Variants in ZC3HAV1L observed in about 807,000 individuals in gnomAD.
ZC3HAV1L encodes ZC3HAV1 like, also known as zinc finger CCCH-type antiviral protein 1-like.
A neutral mutation model predicts 28.2 loss-of-function variants in ZC3HAV1L; 23 were observed. The observed-to-expected ratio is 0.82, with a 90% CI of 0.59 to 1.16. The LOEUF (loss-of-function observed/expected upper bound fraction) is 1.16. Ranked by LOEUF, ZC3HAV1L falls within the 50% of genes most tolerant of loss-of-function variation. The probability of loss-of-function intolerance (pLI) is 0.00; values close to 1 mark genes in which losing one functional copy is unlikely to be tolerated. For synonymous variants in ZC3HAV1L, 180 were observed against 163.4 expected (o/e 1.10, Z -0.78); for missense variants, 376 against 387.7 (o/e 0.97, Z 0.25).
At chr7:139,023,123 T>C (rs1045538556), downstream of ZC3HAV1L, among the ~76,000 whole-genome samples, 4 of 138,004 alleles carry the variant, frequency 2.9e-5, no homozygotes, top group African/African-American at 1.1e-4. Flanking sequence ...TGCAGTGAGC[T>C]GAGATCATGC....
intron 2 of ZC3HAV1L, among the ~76,000 whole-genome samples, chr7:139,031,576 A>G (rs1234818105): frequency 1.3e-5 from 2 of 151,212 alleles, no homozygotes; most frequent in Non-Finnish European, 2.9e-5. Flanking sequence ...ACAGAGCAAG[A>G]CTCTGTCTAC....
intron 2 of ZC3HAV1L, among the ~76,000 whole-genome samples, chr7:139,030,140 A>T (rs1225576035): frequency 6.6e-6 from 1 of 152,180 alleles, no homozygotes; most frequent in African/African-American, 2.4e-5. Context: ...CACGTAAAAA[A>T]ACTCTTGCTA....
chr7:139,022,144 G>A (rs1172331032), downstream of ZC3HAV1L, among the ~76,000 whole-genome samples: 1 of 152,132 alleles, frequency 6.6e-6, no homozygotes, highest in Admixed American at 6.6e-5. Flanking sequence ...ATAAATGTAA[G>A]CCTTAAAGAG....
chr7:139,024,274 C>T (rs1337936910), downstream of ZC3HAV1L, among the ~76,000 whole-genome samples: 6 of 151,972 alleles, frequency 3.9e-5, no homozygotes. Flanking sequence ...TTAAAGTAGA[C>T]TATTATAGAA....
chr7:139,025,403 G>A (rs989756796), downstream of ZC3HAV1L, among the ~76,000 whole-genome samples: 12 of 150,826 alleles, frequency 8.0e-5, no homozygotes, highest in Admixed American at 2.0e-4. Flanking sequence ...AGATGAGATC[G>A]CGCCATTGCA....
Position 139,026,246 on chromosome 7 carries a change from T to G in ZC3HAV1L, c.*298A>C. Reference sequence around the variant, plus strand: ...GTGAACAAATATAGAAAGATGCTTATGAGACAATATTAAGTGAAAAAAAAA... The same window carrying G: ...GTGAACAAATATAGAAAGATGCTTAGGAGACAATATTAAGTGAAAAAAAAA... On this transcript the variant is annotated 3_prime_UTR_variant, in exon 5 of 5. Transcript: ENST00000275766. 4.9e-6 allele frequency: 2 copies of G among 406,106 alleles called. No individual in the cohort carries two copies. Among genetic ancestry groups the G allele is most frequent in the Admixed American group, 4.3e-5 (1 of 23,522 alleles). The allele number at this position is 406,106 out of a possible 1,614,324, so 25.2% of individuals were successfully genotyped here.
At position 139,026,349 on chromosome 7, in the gene ZC3HAV1L, G is replaced by A. The variant is rs1815352006; in HGVS notation, c.*195C>T. The A allele has an allele frequency of 2.8e-6, 2 of 708,636 alleles. No homozygotes were observed. Among genetic ancestry groups the A allele is most frequent in the South Asian group, 2.3e-5 (1 of 43,840 alleles). The allele number at this position is 708,636 out of a possible 1,614,324, so 43.9% of individuals were successfully genotyped here. A position where few individuals can be genotyped will look rare whatever the true frequency, so the allele number is the denominator to read the frequency against. Reference sequence around the variant, plus strand: ...ATGGTGGACCACAGAAGTCAGCAGAGCTCCATCTACCCAGCCTGAGGAAAG... The same window carrying A: ...ATGGTGGACCACAGAAGTCAGCAGAACTCCATCTACCCAGCCTGAGGAAAG... On this transcript the variant is annotated 3_prime_UTR_variant, in exon 5 of 5. Coordinates refer to ENST00000275766, the MANE Select transcript of ZC3HAV1L (RefSeq NM_080660.4).
At position 139,026,845 on chromosome 7, in the gene ZC3HAV1L, A is replaced by G. The variant is rs1815367865; in HGVS notation, c.761-12T>C. The G allele has an allele frequency of 6.2e-7, 1 of 1,602,812 alleles. No homozygotes were observed. Among genetic ancestry groups the G allele is most frequent in the Non-Finnish European group, 8.5e-7 (1 of 1,172,958 alleles). On this transcript the variant is annotated splice_polypyrimidine_tract_variant and intron_variant, in intron 3 of 4. Coordinates refer to ENST00000275766, the MANE Select transcript of ZC3HAV1L (RefSeq NM_080660.4). The stretch of plus-strand genomic sequence containing the variant: ...AGGTGATGAATTATCTACAAAGAGG[A>G]AAGGGATAAGTTTTCCTACGATACC...
intron 1 of ZC3HAV1L, chr7:139,035,042 G>T: frequency 2.0e-6 from 2 of 985,460 alleles, no homozygotes; most frequent in Non-Finnish European, 2.4e-6. Flanking sequence ...CTTTGGCGGG[G>T]TGTGTGGCTA....
In ZC3HAV1L at chr7:139,035,892, C is replaced by G; in HGVS notation, c.126G>C (p.Gln42His). 1 of 1,514,390 alleles carries G rather than the reference C, an allele frequency of 6.6e-7. No individual in the cohort carries two copies. The highest frequency in any genetic ancestry group is 2.1e-4 in the Middle Eastern group (1 of 4,842). 93.8% of individuals were successfully genotyped at this position (1,514,390 alleles called of 1,614,324 possible). The change falls in exon 1 of 5, where the codon CAG becomes CAC. Residue 42 changes from glutamine to histidine, a missense_variant. Physicochemically the swap from Gln to His is conservative, Grantham distance 24. Coordinates refer to ENST00000275766, the MANE Select transcript of ZC3HAV1L (RefSeq NM_080660.4). Reference sequence around the variant, plus strand: ...GCAGGAAACGCTCGGGCCCGGCGCGCTGCAGCACGTCCCGGAGCCTGGCCT... The same window carrying G: ...GCAGGAAACGCTCGGGCCCGGCGCGGTGCAGCACGTCCCGGAGCCTGGCCT... ...LSEARLRDVL[Q>H]RAGPERFLLQ...
intron 2 of ZC3HAV1L, 106 bp downstream of exon 2, chr7:139,034,437 T>C (rs1815634915): frequency 6.9e-7 from 1 of 1,443,484 alleles, no homozygotes; most frequent in Non-Finnish European, 9.2e-7. Context: ...AACTGAATCA[T>C]GTTGCTTCGA....
chr7:139,026,819 A>G lies in ZC3HAV1L; in HGVS notation c.775T>C (p.Ser259Pro), dbSNP rs143335018. Residue 259 changes from serine to proline, a missense_variant, in exon 4 of 5, where the codon TCG becomes CCG. Coordinates refer to ENST00000275766, the MANE Select transcript of ZC3HAV1L (RefSeq NM_080660.4). ...MLENTDNSSP[S>P]TEHSQGLEKQ... is the part of the protein sequence containing the mutation. ...TCAAGGCCTTGTGAATGCTCAGTCG[A>G]AGGTGATGAATTATCTACAAAGAGG... 3.7e-6 allele frequency: 6 copies of G among 1,612,754 alleles called. No individual in the cohort carries two copies. In the African/African-American group the frequency reaches 8.0e-5, roughly 22 times the overall value.
At chr7:139,029,218 G>A (rs898709403) in intron 2 of ZC3HAV1L, among the ~76,000 whole-genome samples, 1 of 152,088 alleles carries the variant, frequency 6.6e-6, no homozygotes, top group Non-Finnish European at 1.5e-5. Flanking sequence ...GGCCAGGCTG[G>A]TCTCCAACTC....
intron 2 of ZC3HAV1L, chr7:139,033,934 ACC>A: frequency 1.0e-6 from 1 of 985,342 alleles, no homozygotes; most frequent in South Asian, 4.7e-5. Flanking sequence ...CTGGCTCACA[ACC>A]GTGACATACC....
downstream of ZC3HAV1L, chr7:139,022,380 C>T (rs779647109): frequency 2.3e-6 from 1 of 431,702 alleles, no homozygotes; most frequent in South Asian, 1.7e-5. Context: ...CTTGTCTCTA[C>T]TAAAAACCTA....
rs1815429829 is a variant in ZC3HAV1L at position 139,028,686 on chromosome 7, T to C, written c.760+16A>G. The C allele has an allele frequency of 6.2e-7, 1 of 1,610,444 alleles. No individual in the cohort carries two copies. Among genetic ancestry groups the C allele is most frequent in the South Asian group, 1.1e-5 (1 of 90,860 alleles). On this transcript the variant is annotated intron_variant, in intron 3 of 4. Coordinates refer to ENST00000275766, the MANE Select transcript of ZC3HAV1L (RefSeq NM_080660.4). ...CATATCGCTGATACTTCTCTGTCCT[T>C]CTTGGATATTCCTACCTGTATTTTC...
At chr7:139,031,252 A>T (rs1815523074) in intron 2 of ZC3HAV1L, among the ~76,000 whole-genome samples, 2 of 152,300 alleles carry the variant, frequency 1.3e-5, no homozygotes, top group African/African-American at 4.8e-5. Context: ...GTTCAAGACC[A>T]GCCTAGGCAA....
downstream of ZC3HAV1L, among the ~76,000 whole-genome samples, chr7:139,022,723 T>C (rs546249953): frequency 2.0e-5 from 3 of 152,324 alleles, no homozygotes; most frequent in Non-Finnish European, 2.9e-5. Flanking sequence ...AAACACAGCA[T>C]TGCACACAGC....
chr7:139,030,120 C>T (rs1815479865), intron 2 of ZC3HAV1L, among the ~76,000 whole-genome samples: 1 of 152,156 alleles, frequency 6.6e-6, no homozygotes, highest in Non-Finnish European at 1.5e-5. Flanking sequence ...GTCACCCTAA[C>T]AATGCTGCAC....
Sources: gnomAD v4.1 joint callset for allele counts (sites outside exome capture counted in the v4.1 genomes callset) on GRCh38, gnomAD v4.1.1 for gene constraint, MANE v1.5 for transcripts, NCBI Gene and HGNC (gene_info 2026-07-23, HGNC 2026-07-21) for gene names.